The following NTRK2 variants were observed in gnomAD, a reference collection of about 807,000 sequenced individuals.
NTRK2 encodes neurotrophic receptor tyrosine kinase 2, also known as BDNF/NT-3 growth factors receptor.
Under a neutral mutation model 94.5 loss-of-function variants are expected in NTRK2, and 13 were observed. That is an observed-to-expected ratio of 0.14 (90% CI 0.09 to 0.22). The LOEUF is 0.22. NTRK2 is among the 10% of genes least tolerant of loss of function. The probability of loss-of-function intolerance (pLI) is 1.00; values close to 1 mark genes in which losing one functional copy is unlikely to be tolerated. For missense variants in NTRK2, 639 were observed against 1,071.2 expected, an observed-to-expected ratio of 0.60 and a Z score of 5.63; for synonymous variants, 372 against 407.4, an observed-to-expected ratio of 0.91 and a Z score of 1.05.
At chr9:84,839,334 CA>C (rs1308863158) in intron 12 of NTRK2, among the ~76,000 whole-genome samples, 3 of 152,164 alleles carry the variant, frequency 2.0e-5, no homozygotes, top group African/African-American at 7.2e-5. Context: ...TGGTAAAATG[CA>C]ATATTGATTA....
At chr9:84,796,898 C>A (rs756546713) in intron 12 of NTRK2, among the ~76,000 whole-genome samples, 2 of 151,870 alleles carry the variant, frequency 1.3e-5, no homozygotes, top group Admixed American at 6.6e-5. Context: ...GCTGAATTAC[C>A]CCCTACTTGC....
chr9:84,937,179 T>C (rs1564481105), intron 15 of NTRK2, among the ~76,000 whole-genome samples: 1 of 152,194 alleles, frequency 6.6e-6, no homozygotes, highest in African/African-American at 2.4e-5. Flanking sequence ...TTTAAAGGAA[T>C]GAAACCAACT....
At chr9:85,020,829 A>T (rs1832721073) in intron 18 of NTRK2, among the ~76,000 whole-genome samples, 1 of 152,150 alleles carries the variant, frequency 6.6e-6, no homozygotes, top group Non-Finnish European at 1.5e-5. Flanking sequence ...CAGCATCTTG[A>T]TCAGGCACCG....
chr9:84,781,748 T>C (rs2067591186), intron 12 of NTRK2, among the ~76,000 whole-genome samples: 1 of 152,180 alleles, frequency 6.6e-6, no homozygotes, highest in African/African-American at 2.4e-5. Context: ...AGAGTGTCTT[T>C]AGTTTTTTAA....
chr9:84,982,950 A>T (rs78434644), intron 17 of NTRK2, among the ~76,000 whole-genome samples: 10 of 150,184 alleles, frequency 6.7e-5, no homozygotes, highest in Admixed American at 6.7e-4. Context: ...GCAGTGGTGG[A>T]TTTTTTTTTT....
chr9:84,719,350 G>T (rs1363799044), intron 6 of NTRK2, among the ~76,000 whole-genome samples: 7 of 152,068 alleles, frequency 4.6e-5, no homozygotes, highest in Admixed American at 4.6e-4. Flanking sequence ...CTGGTTCAGT[G>T]AATGCTCAAT....
At chr9:84,844,281 TG>T (rs1318508818) in intron 12 of NTRK2, among the ~76,000 whole-genome samples, 3 of 152,254 alleles carry the variant, frequency 2.0e-5, no homozygotes, top group Non-Finnish European at 4.4e-5. Context: ...GCCAGAGTGC[TG>T]GCTGCTGCCT....
At chr9:84,675,348 T>G (rs1344299191) in intron 2 of NTRK2, among the ~76,000 whole-genome samples, 2 of 102,252 alleles carry the variant, frequency 2.0e-5, no homozygotes, top group East Asian at 6.2e-4. Context: ...TTTTTTTTTT[T>G]TTTGCCTTGA....
In NTRK2 at chr9:84,812,491, G is replaced by C. The variant is rs1021456015; in HGVS notation, c.1397-48549G>C. 1.4e-5 allele frequency: 15 copies of C among 1,048,376 alleles called. No homozygotes were observed. The East Asian group carries it at 6.1e-4, about 42-fold the overall frequency. 64.9% of individuals were successfully genotyped at this position (1,048,376 alleles called of 1,614,324 possible). On this transcript the variant is annotated intron_variant, in intron 12 of 18. Coordinates refer to ENST00000277120, the MANE Select transcript of NTRK2 (RefSeq NM_006180.6). ...TTTCTGAATTCCCATTTTCTTGTTC[G>C]CGGCTAAATGACAGTTTCTGTCATT...
At chr9:84,796,843 T>C (rs1281906396) in intron 12 of NTRK2, among the ~76,000 whole-genome samples, 2 of 152,190 alleles carry the variant, frequency 1.3e-5, no homozygotes, top group East Asian at 1.9e-4. Context: ...ATGAAAACAA[T>C]TGATGAATCA....
At chr9:85,015,751 G>T (rs550007680) in intron 17 of NTRK2, among the ~76,000 whole-genome samples, 1 of 152,288 alleles carries the variant, frequency 6.6e-6, no homozygotes, top group African/African-American at 2.4e-5. Flanking sequence ...ACTTGAGCTT[G>T]CCTTCATAAA....
rs75744319 is a variant in NTRK2 at position 84,964,751 on chromosome 9, G to T, written c.2172+9234G>T. Among the ~76,000 whole-genome samples the T allele has an allele frequency of 2.0e-5, 3 of 152,248 alleles. No individual in the cohort carries two copies. The East Asian group carries it at 5.8e-4, about 29-fold the overall frequency. ...GATCACTCACTGTCCTTCATTGCCT[G>T]TTGTCTAGTATGAAAACAATTTTTT... On this transcript the variant is annotated intron_variant, in intron 17 of 18. Coordinates refer to ENST00000277120, the MANE Select transcript of NTRK2 (RefSeq NM_006180.6).
intron 12 of NTRK2, among the ~76,000 whole-genome samples, chr9:84,779,443 C>T (rs977296065): frequency 6.6e-6 from 1 of 152,166 alleles, no homozygotes; most frequent in African/African-American, 2.4e-5. Context: ...AGTTTCCAAC[C>T]CCCTCATCTT....
chr9:85,018,748 G>A (rs921259677), intron 17 of NTRK2, among the ~76,000 whole-genome samples: 4 of 152,198 alleles, frequency 2.6e-5, no homozygotes, highest in Non-Finnish European at 4.4e-5. Flanking sequence ...TATCGACCCT[G>A]AGGGTGACTG....
intron 14 of NTRK2, among the ~76,000 whole-genome samples, chr9:84,930,238 T>C (rs374885653): frequency 1.3e-5 from 2 of 152,194 alleles, no homozygotes; most frequent in South Asian, 4.1e-4. Flanking sequence ...TCTGGCCTCT[T>C]AGCTCCACTG....
intron 12 of NTRK2, among the ~76,000 whole-genome samples, chr9:84,818,135 G>A (rs1403966222): frequency 2.0e-5 from 3 of 152,144 alleles, no homozygotes; most frequent in Admixed American, 6.5e-5. Flanking sequence ...AATATTGCCT[G>A]TATTGTAACG....
In NTRK2 at chr9:84,948,642, G is replaced by A. The variant is rs200595566; in HGVS notation, c.1937+8G>A. 12 of 1,613,952 alleles carry A rather than the reference G, an allele frequency of 7.4e-6. No individual in the cohort carries two copies. The highest frequency in any genetic ancestry group is 1.0e-5 in the Non-Finnish European group (12 of 1,179,906). ...CCTCAACAAGTTCCTCAGGTACAGT[G>A]AGGCGGGGAGGTGGGCTCCAGGAGG... On this transcript the variant is annotated splice_region_variant and intron_variant, in intron 16 of 18. Coordinates refer to ENST00000277120, the MANE Select transcript of NTRK2 (RefSeq NM_006180.6).
chr9:84,822,671 T>C (rs1220839720), intron 12 of NTRK2, among the ~76,000 whole-genome samples: 1 of 152,152 alleles, frequency 6.6e-6, no homozygotes, highest in African/African-American at 2.4e-5. Context: ...TCTAGGGAGT[T>C]ACTGGCGAGG....
intron 13 of NTRK2, among the ~76,000 whole-genome samples, chr9:84,866,526 A>G (rs903938355): frequency 2.0e-5 from 3 of 152,218 alleles, no homozygotes; most frequent in African/African-American, 7.2e-5. Context: ...AGTTTCAATG[A>G]CAGAGTGTTC....
Sources: gnomAD v4.1 joint callset for allele counts (sites outside exome capture counted in the v4.1 genomes callset) on GRCh38, gnomAD v4.1.1 for gene constraint, MANE v1.5 for transcripts, NCBI Gene and HGNC (gene_info 2026-07-23, HGNC 2026-07-21) for gene names.